Variants in CYTH1 observed in about 807,000 individuals in gnomAD.
CYTH1 encodes the protein cytohesin 1.
CYTH1 carries 18 observed loss-of-function variants against 61.8 expected under a neutral mutation model. The observed-to-expected ratio is 0.29, with a 90% CI of 0.20 to 0.43. CYTH1 has a LOEUF of 0.43. Among genes scored for constraint, CYTH1 ranks in the 20% least tolerant of loss-of-function variants. CYTH1 has a pLI of 1.00. For missense variants in CYTH1, 336 were observed against 510.5 expected (o/e 0.66, Z 3.29); for synonymous variants, 174 against 184.3 (o/e 0.94, Z 0.45).
intron 1 of CYTH1, among the ~76,000 whole-genome samples, chr17:78,743,195 G>A (rs963521483): frequency 2.0e-5 from 3 of 152,164 alleles, no homozygotes; most frequent in African/African-American, 7.2e-5. Flanking sequence ...AATGAAAAAA[G>A]AAATAAGCCA....
chr17:78,694,493 G>T (rs1481515674), intron 10 of CYTH1, among the ~76,000 whole-genome samples: 1 of 152,138 alleles, frequency 6.6e-6, no homozygotes, highest in Non-Finnish European at 1.5e-5. Context: ...AAATAAGGAG[G>T]ATAAAGAAGG....
At chr17:78,752,727 C>T (rs1213013998) in intron 1 of CYTH1, among the ~76,000 whole-genome samples, 4 of 152,096 alleles carry the variant, frequency 2.6e-5, no homozygotes, top group Admixed American at 6.5e-5. Context: ...CTGCACCTGG[C>T]CAAGAGAGAG....
intron 1 of CYTH1, among the ~76,000 whole-genome samples, chr17:78,765,001 AG>A (rs1291699396): frequency 6.6e-6 from 1 of 152,106 alleles, no homozygotes; most frequent in Non-Finnish European, 1.5e-5. Context: ...TCAAGCAAAC[AG>A]GGGAAGTCTT....
At chr17:78,707,393 GA>G (rs1000801160) in intron 3 of CYTH1, among the ~76,000 whole-genome samples, 19 of 146,366 alleles carry the variant, frequency 1.3e-4, no homozygotes, top group African/African-American at 3.2e-4. Flanking sequence ...AAAATAAAAG[GA>G]AAAAAAAAAG....
chr17:78,689,926 T>C lies in CYTH1; in HGVS notation c.891+2491A>G, dbSNP rs140933319. ...ATCCTGGGCCGTGAGGTAGAAACCC[T>C]GCACACTGCTCCTGACTGCTGCCCC... On this transcript the variant is annotated intron_variant, in intron 11 of 13. Transcript: ENST00000446868. Among the ~76,000 whole-genome samples the C allele has an allele frequency of 1.8e-3, 278 of 152,084 alleles. 1 individual carries two copies. The highest frequency in any genetic ancestry group is 0.014 in the South Asian group (66 of 4,802).
At chr17:78,774,799 A>G (rs960057906) in intron 1 of CYTH1, among the ~76,000 whole-genome samples, 1 of 152,188 alleles carries the variant, frequency 6.6e-6, no homozygotes, top group Non-Finnish European at 1.5e-5. Flanking sequence ...TTTTATCCAG[A>G]GTCTTTGGTC....
Position 78,773,404 on chromosome 17 carries a change from C to T in CYTH1, c.22+8798G>A, listed in dbSNP as rs1347007385. On this transcript the variant is annotated intron_variant, in intron 1 of 13. Transcript: ENST00000446868. Reference sequence around the variant, plus strand: ...CAGCACTTTGGGAGGCCGAGGCGGACGGATCACCTGAGGTCAGGAGTTTGA... The same window carrying T: ...CAGCACTTTGGGAGGCCGAGGCGGATGGATCACCTGAGGTCAGGAGTTTGA... Among the ~76,000 whole-genome samples the T allele has an allele frequency of 4.6e-5, 7 of 152,034 alleles. 1 individual carries two copies. The highest frequency in any genetic ancestry group is 2.1e-4 in the South Asian group (1 of 4,818).
Position 78,675,819 on chromosome 17 carries a change from C to T in CYTH1, c.*272G>A, listed in dbSNP as rs2092691983. 1 of 1,413,802 alleles carries T rather than the reference C, an allele frequency of 7.1e-7. No individual in the cohort carries two copies. The highest frequency in any genetic ancestry group is 2.5e-5 in the East Asian group (1 of 39,296). 87.6% of individuals were successfully genotyped at this position (1,413,802 alleles called of 1,614,324 possible). On this transcript the variant is annotated 3_prime_UTR_variant, in exon 14 of 14. Coordinates refer to ENST00000446868, the MANE Select transcript of CYTH1 (RefSeq NM_004762.6). ...CCAGAACACTGAGCAGAGAAACTGG[C>T]CAGGAGGCTGCCCTGCCGACAAGAG...
intron 10 of CYTH1, among the ~76,000 whole-genome samples, chr17:78,694,110 T>C (rs2092915439): frequency 6.6e-6 from 1 of 152,166 alleles, no homozygotes; most frequent in Non-Finnish European, 1.5e-5. Context: ...ATGCAAATAA[T>C]GTTATGAAAA....
At chr17:78,760,088 T>C (rs2093415965) in intron 1 of CYTH1, among the ~76,000 whole-genome samples, 2 of 151,970 alleles carry the variant, frequency 1.3e-5, no homozygotes, top group South Asian at 4.1e-4. Flanking sequence ...CCAGGGATTC[T>C]GCGGGTTAGT....
intron 1 of CYTH1, among the ~76,000 whole-genome samples, chr17:78,764,608 C>A (rs1370629138): frequency 6.6e-6 from 1 of 151,894 alleles, no homozygotes; most frequent in Non-Finnish European, 1.5e-5. Context: ...ATATATAAAC[C>A]CCAAAATAAT....
intron 10 of CYTH1, among the ~76,000 whole-genome samples, chr17:78,692,942 A>G (rs1303804156): frequency 1.3e-5 from 2 of 152,082 alleles, no homozygotes; most frequent in Non-Finnish European, 2.9e-5. Context: ...GAAGTGAAGG[A>G]AGGAGGAAGC....
rs574005105 is a variant in CYTH1 at position 78,742,847 on chromosome 17, T to A, written c.23-33115A>T. ...TCCAGCCTGGGAGACAGAGCAAGAC[T>A]CCATCTCAATAAATAAATAAATAAG... On this transcript the variant is annotated intron_variant, in intron 1 of 13. Coordinates refer to ENST00000446868, the MANE Select transcript of CYTH1 (RefSeq NM_004762.6). 4.3e-3 allele frequency among the ~76,000 whole-genome samples: 654 copies of A among 152,192 alleles called. 6 individuals carry two copies. The highest frequency in any genetic ancestry group is 0.015 in the African/African-American group (616 of 41,522).
At chr17:78,743,320 C>CA (rs540903000) in intron 1 of CYTH1, among the ~76,000 whole-genome samples, 2 of 152,326 alleles carry the variant, frequency 1.3e-5, no homozygotes, top group African/African-American at 4.8e-5. Context: ...TTCTCGTCCA[C>CA]AGTACACCAG....
At chr17:78,715,790 G>T (rs899688323) in intron 1 of CYTH1, among the ~76,000 whole-genome samples, 4 of 152,144 alleles carry the variant, frequency 2.6e-5, no homozygotes, top group Admixed American at 2.6e-4. Context: ...CTACATTCCT[G>T]TCATGGTGCT....
rs746148655 is a variant in CYTH1, at chr17:78,692,399, C to T, written c.891+18G>A. 6.5e-5 allele frequency: 105 copies of T among 1,612,972 alleles called. No homozygotes were observed. Among genetic ancestry groups the T allele is most frequent in the Non-Finnish European group, 7.8e-5 (92 of 1,179,128 alleles). On this transcript the variant is annotated intron_variant, in intron 11 of 13. Transcript: ENST00000446868. ...CCTTGCCCATCCCTAGTCTGGAGGC[C>T]GACTAGCAGGTGCTCACCGTGGTAT...
chr17:78,688,666 G>C (rs2092843165), intron 11 of CYTH1, among the ~76,000 whole-genome samples: 1 of 152,180 alleles, frequency 6.6e-6, no homozygotes, highest in South Asian at 2.1e-4. Context: ...ATGAAGTGGT[G>C]GCCTTCAATA....
chr17:78,680,185 C>T lies in CYTH1; in HGVS notation c.1118+5G>A, dbSNP rs1567821819. ...GCGCACTGCCCTTTCTCAGCAGTCA[C>T]TTACTTAATGCACTTAATCCACTCC... On this transcript the variant is annotated splice_donor_5th_base_variant and intron_variant, in intron 13 of 13. Transcript: ENST00000446868. 6.2e-7 allele frequency: 1 copy of T among 1,614,118 alleles called. No homozygotes were observed.
chr17:78,704,767 C>T (rs1001413290), intron 3 of CYTH1, among the ~76,000 whole-genome samples: 6 of 152,204 alleles, frequency 3.9e-5, no homozygotes, highest in Non-Finnish European at 8.8e-5. Context: ...AGCAATCCTC[C>T]TACCTTGGCC....
Sources: gnomAD v4.1 joint callset for allele counts (sites outside exome capture counted in the v4.1 genomes callset) on GRCh38, gnomAD v4.1.1 for gene constraint, MANE v1.5 for transcripts, NCBI Gene and HGNC (gene_info 2026-07-23, HGNC 2026-07-21) for gene names.